The following KDM8 variants were observed in gnomAD, a reference collection of about 807,000 sequenced individuals.
KDM8 encodes the protein bifunctional peptidase and arginyl-hydroxylase JMJD5.
A neutral mutation model predicts 46.9 loss-of-function variants in KDM8; 35 were observed. That is an observed-to-expected ratio of 0.75 (90% CI 0.57 to 0.99). KDM8 has a LOEUF of 0.99. KDM8 is among the 50% of genes least tolerant of loss of function. The pLI, the probability that KDM8 is intolerant of heterozygous loss-of-function variation, is 0.00. For missense variants in KDM8, 475 were observed against 537.0 expected (o/e 0.88, Z 1.14); for synonymous variants, 232 against 227.7 (o/e 1.02, Z -0.17).
At chr16:27,219,198 C>A (rs1403999618) in intron 6 of KDM8, 88 bp downstream of exon 6, 2 of 1,350,844 alleles carry the variant, frequency 1.5e-6, no homozygotes, top group Non-Finnish European at 2.0e-6. Context: ...AAACACCGGG[C>A]TCTTAAAAAG....
Position 27,220,584 on chromosome 16 carries a change from G to A in KDM8, c.1105G>A (p.Asp369Asn), listed in dbSNP as rs150252517. Residue 369 changes from aspartate (D) to asparagine (N), a missense_variant, in exon 8 of 8, where the codon GAC becomes AAC. Asp to Asn is a conservative substitution (Grantham distance 23). Coordinates refer to ENST00000286096, the MANE Select transcript of KDM8 (RefSeq NM_024773.3). ...NTSQVDVENP[D>N]LEKFPKFAKA... Reference sequence around the variant, plus strand: ...TCTTCAGGTTGACGTGGAGAATCCCGACCTGGAAAAGTTCCCCAAGTTTGC... The same window carrying A: ...TCTTCAGGTTGACGTGGAGAATCCCAACCTGGAAAAGTTCCCCAAGTTTGC... 1.5e-4 allele frequency: 241 copies of A among 1,614,096 alleles called. 2 individuals carry two copies. In the African/African-American group the frequency reaches 2.6e-3, roughly 17 times the overall value.
chr16:27,207,244 C>G (rs996364911), intron 1 of KDM8, among the ~76,000 whole-genome samples: 1 of 152,290 alleles, frequency 6.6e-6, no homozygotes, highest in African/African-American at 2.4e-5. Flanking sequence ...CCCGTCTCTA[C>G]TAAAAATACA....
intron 1 of KDM8, among the ~76,000 whole-genome samples, chr16:27,209,659 GAC>G (rs2083461630): frequency 6.6e-6 from 1 of 152,242 alleles, no homozygotes; most frequent in African/African-American, 2.4e-5. Context: ...GTGTTGGATA[GAC>G]ACACGTGTAA....
At chr16:27,210,044 G>C in intron 1 of KDM8, 49 bp from the exon 2 acceptor site, 8 of 1,512,240 alleles carry the variant, frequency 5.3e-6, no homozygotes, top group African/African-American at 2.8e-5. Flanking sequence ...ATGCACAGGG[G>C]ATCAGGTCTG....
At position 27,208,515 on chromosome 16, in the gene KDM8, C is replaced by T. The variant is rs184600764; in HGVS notation, c.-31-1578C>T. Among the ~76,000 whole-genome samples the T allele has an allele frequency of 2.3e-3, 346 of 152,298 alleles. 1 individual carries two copies. The highest frequency in any genetic ancestry group is 4.5e-3 in the Admixed American group (69 of 15,292). ...AAGAGACAGGTTTACAAAGCTGGTA[C>T]ATAGAGCCCCAGTGGAAGCCAGTTT... On this transcript the variant is annotated intron_variant, in intron 1 of 7. Coordinates refer to ENST00000286096, the MANE Select transcript of KDM8 (RefSeq NM_024773.3).
intron 6 of KDM8, among the ~76,000 whole-genome samples, chr16:27,219,451 G>A (rs1156700066): frequency 6.6e-6 from 1 of 152,194 alleles, no homozygotes; most frequent in African/African-American, 2.4e-5. Flanking sequence ...AATAGGAGGT[G>A]GCAGGTTGGG....
At chr16:27,204,297 A>T in intron 1 of KDM8, 1 of 1,390,274 alleles carries the variant, frequency 7.2e-7, no homozygotes. Flanking sequence ...CGCCGTGCTC[A>T]GGAGGACTCG....
chr16:27,216,733 C>T (rs891360419), intron 5 of KDM8, among the ~76,000 whole-genome samples: 1 of 152,164 alleles, frequency 6.6e-6, no homozygotes, highest in South Asian at 2.1e-4. Context: ...GGTTTCTCTT[C>T]CCCAGGCCTC....
chr16:27,220,844 C>T lies in KDM8; in HGVS notation c.*114C>T. ...GGACTGAACCTGTGTCCTGAAGAGC[C>T]TTCACTGCCCAGTGGCAGCCCTGGG... On this transcript the variant is annotated 3_prime_UTR_variant, in exon 8 of 8. Coordinates refer to ENST00000286096, the MANE Select transcript of KDM8 (RefSeq NM_024773.3). 7.8e-7 allele frequency: 1 copy of T among 1,280,320 alleles called. No individual in the cohort carries two copies. The highest frequency in any genetic ancestry group is 1.7e-5 in the Admixed American group (1 of 57,494). The allele number at this position is 1,280,320 out of a possible 1,614,324, so 79.3% of individuals were successfully genotyped here.
chr16:27,214,609 G>A (rs947868316), intron 3 of KDM8: 31 of 425,006 alleles, frequency 7.3e-5, no homozygotes, highest in Admixed American at 1.4e-4. Flanking sequence ...GGAGGCTGTT[G>A]GCAAGCAGGG....
chr16:27,210,533 T>C lies in KDM8; in HGVS notation c.410T>C (p.Ile137Thr). 1 of 1,541,378 alleles carries C rather than the reference T, an allele frequency of 6.5e-7. No individual in the cohort carries two copies. Among genetic ancestry groups the C allele is most frequent in the Non-Finnish European group, 8.8e-7 (1 of 1,142,760 alleles). ...LLMGAAILGD[I>T]LLKVAAILQT... ...ATGGGGGCAGCCATCCTGGGGGACA[T>C]CCTTCTTAAAGTCGCTGCCATCCTC... Residue 137 changes from isoleucine (I) to threonine (T), a missense_variant, in exon 2 of 8, where the codon ATC becomes ACC. Ile to Thr is a moderately conservative substitution (Grantham distance 89). Coordinates refer to ENST00000286096, the MANE Select transcript of KDM8 (RefSeq NM_024773.3).
chr16:27,205,126 G>GTT (rs2083415357), intron 1 of KDM8, among the ~76,000 whole-genome samples: 1 of 152,256 alleles, frequency 6.6e-6, no homozygotes, highest in Non-Finnish European at 1.5e-5. Flanking sequence ...TACTTTGCCA[G>GTT]TTTGCATAGT....
At chr16:27,204,757 C>T (rs1177918110) in intron 1 of KDM8, among the ~76,000 whole-genome samples, 2 of 152,154 alleles carry the variant, frequency 1.3e-5, no homozygotes, top group East Asian at 1.9e-4. Flanking sequence ...GGGCGCGGTG[C>T]CTCACACCTG....
chr16:27,203,703 A>G (rs1159479653), intron 1 of KDM8, 67 bp downstream of exon 1: 1 of 190,152 alleles, frequency 5.3e-6, no homozygotes, highest in African/African-American at 2.3e-5. Flanking sequence ...CCGGGTTCAG[A>G]GGCATAGACC....
At chr16:27,204,379 C>T (rs902656478) in intron 1 of KDM8, 60 of 1,288,692 alleles carry the variant, frequency 4.7e-5, no homozygotes, top group Middle Eastern at 2.9e-4. Flanking sequence ...AGACTGTGTG[C>T]CCCTTAGAGA....
At chr16:27,204,094 T>C (rs1007044437) in intron 1 of KDM8, 8 of 1,547,854 alleles carry the variant, frequency 5.2e-6, no homozygotes, top group Non-Finnish European at 7.0e-6. Context: ...GTCCCAAATA[T>C]GAGCCGCGAG....
At chr16:27,211,121 CTTTTTTTT>C (rs370003010) in intron 2 of KDM8, 7,287 of 404,712 alleles carry the variant, frequency 0.018, 484 homozygotes, top group African/African-American at 0.15. Context: ...CATTTTCTCT[CTTTTTTTT>C]TTTTTTTTTT....
In KDM8 at chr16:27,220,875, GAGCT is replaced by G; in HGVS notation, c.*146_*149del. 3 of 963,662 alleles carry G rather than the reference GAGCT, an allele frequency of 3.1e-6. No homozygotes were observed. Among genetic ancestry groups the G allele is most frequent in the Non-Finnish European group, 4.9e-6 (3 of 613,550 alleles). The allele number at this position is 963,662 out of a possible 1,614,324, so 59.7% of individuals were successfully genotyped here. A position where few individuals can be genotyped will look rare whatever the true frequency, so the allele number is the denominator to read the frequency against. On this transcript the variant is annotated 3_prime_UTR_variant, in exon 8 of 8. Coordinates refer to ENST00000286096, the MANE Select transcript of KDM8 (RefSeq NM_024773.3). ...TGCCCAGTGGCAGCCCTGGGGGGCT[GAGCT>G]CCAGCACTGGACAGGCACAGAGCAG...
At chr16:27,218,865 T>G in intron 5 of KDM8, 96 bp from the exon 6 acceptor site, 2 of 1,321,290 alleles carry the variant, frequency 1.5e-6, no homozygotes, top group Non-Finnish European at 1.1e-6. Context: ...ACACACATAA[T>G]GGATATAGGT....
Sources: allele counts gnomAD v4.1 joint callset (sites outside exome capture counted in the v4.1 genomes callset), GRCh38; gene constraint gnomAD v4.1.1; transcripts MANE v1.5; gene names NCBI Gene and HGNC (gene_info 2026-07-23, HGNC 2026-07-21).